The following KCNH7 variants were observed in gnomAD, a reference collection of about 807,000 sequenced individuals.
KCNH7 encodes the protein voltage-gated inwardly rectifying potassium channel KCNH7.
In KCNH7, 49 loss-of-function variants were observed where a neutral mutation model predicts 120.8. That is an observed-to-expected ratio of 0.41 (90% CI 0.32 to 0.51). The LOEUF (loss-of-function observed/expected upper bound fraction) is 0.51. Among genes scored for constraint, KCNH7 ranks in the 20% least tolerant of loss-of-function variants. The pLI is 0.38. For missense variants in KCNH7, 1,097 were observed against 1,446.6 expected (o/e 0.76, Z 3.92); for synonymous variants, 547 against 516.1 (o/e 1.06, Z -0.81).
At chr2:162,373,737 GC>G in intron 14 of KCNH7, 75 bp from the exon 15 acceptor site, 1 of 1,011,220 alleles carries the variant, frequency 9.9e-7, no homozygotes, top group Middle Eastern at 2.7e-4. Flanking sequence ...AAAAATTTCA[GC>G]ACTACCAAGA....
At chr2:162,522,038 A>ACC (rs1691548555) in intron 3 of KCNH7, among the ~76,000 whole-genome samples, 1 of 151,940 alleles carries the variant, frequency 6.6e-6, no homozygotes, top group African/African-American at 2.4e-5. Flanking sequence ...AGACAAAGAT[A>ACC]AGAGTAACCA....
chr2:162,661,411 G>A (rs1047434839), intron 2 of KCNH7, among the ~76,000 whole-genome samples: 3 of 152,112 alleles, frequency 2.0e-5, no homozygotes, highest in Non-Finnish European at 4.4e-5. Context: ...GTGGGGTATT[G>A]CATCTTTAAT....
intron 6 of KCNH7, among the ~76,000 whole-genome samples, chr2:162,464,226 G>T (rs1689239137): frequency 6.6e-6 from 1 of 151,880 alleles, no homozygotes; most frequent in Non-Finnish European, 1.5e-5. Context: ...TCCTATTTTT[G>T]TGCATCATTT....
intron 2 of KCNH7, among the ~76,000 whole-genome samples, chr2:162,633,799 T>A (rs1199523048): frequency 6.6e-6 from 1 of 152,052 alleles, no homozygotes; most frequent in Non-Finnish European, 1.5e-5. Flanking sequence ...CTTTAATACT[T>A]GATAGGGCAA....
chr2:162,690,482 C>T (rs75631346), intron 2 of KCNH7, among the ~76,000 whole-genome samples: 2,429 of 152,158 alleles, frequency 0.016, 60 homozygotes, highest in African/African-American at 0.055. Context: ...ATTGCAGATG[C>T]ACTATTTAGT....
chr2:162,376,513 C>T lies in KCNH7; in HGVS notation c.3132-2851G>A, dbSNP rs553275363. Among the ~76,000 whole-genome samples, 4 of 151,954 alleles carry T rather than the reference C, an allele frequency of 2.6e-5. No individual in the cohort carries two copies. The East Asian group carries it at 7.8e-4, about 30-fold the overall frequency. On this transcript the variant is annotated intron_variant, in intron 14 of 15. Transcript: ENST00000332142. ...CTGAGTAGCTGGCATTACAGGCGCC[C>T]GCCACCACTCCCAGCTAATTTTTGT...
rs1685168251 is a variant in KCNH7 at position 162,823,047 on chromosome 2, A to G, written c.307+13490T>C. Among the ~76,000 whole-genome samples, 3 of 152,198 alleles carry G rather than the reference A, an allele frequency of 2.0e-5. No individual in the cohort carries two copies. The South Asian group carries it at 6.2e-4, about 32-fold the overall frequency. On this transcript the variant is annotated intron_variant, in intron 2 of 15. Transcript: ENST00000332142. The stretch of plus-strand genomic sequence containing the variant: ...GTGTAGTGAGTGTGTCATTGTATCT[A>G]CGTGAACAGGAGATGGGTGAGGTGG...
chr2:162,620,487 C>T (rs990401538), intron 2 of KCNH7, among the ~76,000 whole-genome samples: 1 of 151,910 alleles, frequency 6.6e-6, no homozygotes, highest in African/African-American at 2.4e-5. Flanking sequence ...TTTTTGACCC[C>T]TGAAAGCAAT....
intron 2 of KCNH7, among the ~76,000 whole-genome samples, chr2:162,645,241 G>C (rs533567118): frequency 6.6e-6 from 1 of 151,970 alleles, no homozygotes; most frequent in Admixed American, 6.6e-5. Context: ...TCCGCCTCCC[G>C]GGTTCAAGTG....
At chr2:162,605,498 A>G (rs1395630162) in intron 2 of KCNH7, among the ~76,000 whole-genome samples, 1 of 152,138 alleles carries the variant, frequency 6.6e-6, no homozygotes, top group Non-Finnish European at 1.5e-5. Flanking sequence ...ATAATGGTCC[A>G]GTGGCCAGCA....
chr2:162,740,133 C>A (rs1688070442), intron 2 of KCNH7, among the ~76,000 whole-genome samples: 1 of 152,126 alleles, frequency 6.6e-6, no homozygotes, highest in Non-Finnish European at 1.5e-5. Flanking sequence ...GTTAAGTTAT[C>A]ATTGCTCAGG....
intron 2 of KCNH7, among the ~76,000 whole-genome samples, chr2:162,574,240 C>T (rs1252692627): frequency 6.6e-6 from 1 of 151,996 alleles, no homozygotes; most frequent in Non-Finnish European, 1.5e-5. Context: ...TAATACAATG[C>T]AAATGTGACG....
chr2:162,380,591 C>T lies in KCNH7; in HGVS notation c.2963-570G>A, dbSNP rs1686381337. 2.6e-5 allele frequency among the ~76,000 whole-genome samples: 4 copies of T among 152,090 alleles called. No homozygotes were observed. In the South Asian group the frequency reaches 8.3e-4, roughly 31 times the overall value. ...AAGAATTTTACAAGTCCCCTAGTCCCCAGCTACTGTTTCATGTTTTAATGC... is the reference window on the plus strand; with the variant it reads ...AAGAATTTTACAAGTCCCCTAGTCCTCAGCTACTGTTTCATGTTTTAATGC... On this transcript the variant is annotated intron_variant, in intron 13 of 15. Coordinates refer to ENST00000332142, the MANE Select transcript of KCNH7 (RefSeq NM_033272.4).
At chr2:162,793,292 A>G (rs1684023723) in intron 2 of KCNH7, among the ~76,000 whole-genome samples, 1 of 151,884 alleles carries the variant, frequency 6.6e-6, no homozygotes, top group Non-Finnish European at 1.5e-5. Flanking sequence ...ACTGGGACCT[A>G]TTGGAGGGTG....
rs369538683 is a variant in KCNH7 at position 162,547,746 on chromosome 2, C to A, written c.308-10666G>T. ...TAACAGAGGGAGGCCTTCATTTACA[C>A]CTATTAATAGGTGATGTCACACAAA... is the stretch of plus-strand genomic sequence containing the variant. On this transcript the variant is annotated intron_variant, in intron 2 of 15. Transcript: ENST00000332142. 8.1e-5 allele frequency among the ~76,000 whole-genome samples: 12 copies of A among 147,242 alleles called. 1 individual carries two copies. Among genetic ancestry groups the A allele is most frequent in the African/African-American group, 2.8e-4 (11 of 39,460 alleles).
chr2:162,784,128 T>G (rs1683610185), intron 2 of KCNH7, among the ~76,000 whole-genome samples: 1 of 152,282 alleles, frequency 6.6e-6, no homozygotes, highest in Middle Eastern at 3.4e-3. Flanking sequence ...AAATACAGAC[T>G]GCCTGTAGAA....
chr2:162,802,410 T>A (rs1237142189), intron 2 of KCNH7, among the ~76,000 whole-genome samples: 1 of 151,714 alleles, frequency 6.6e-6, no homozygotes, highest in Non-Finnish European at 1.5e-5. Context: ...CGACTTTTGT[T>A]AAACTTCTGC....
intron 2 of KCNH7, among the ~76,000 whole-genome samples, chr2:162,750,258 C>T (rs1688492153): frequency 6.6e-6 from 1 of 151,584 alleles, no homozygotes. Context: ...TTTGCTGTGC[C>T]CTGAAGGGAG....
At chr2:162,693,101 A>G (rs2105331342) in intron 2 of KCNH7, among the ~76,000 whole-genome samples, 1 of 152,172 alleles carries the variant, frequency 6.6e-6, no homozygotes, top group East Asian at 1.9e-4. Context: ...TGGGGAAAAA[A>G]GAAGATGTTT....
Sources: allele counts gnomAD v4.1 joint callset (sites outside exome capture counted in the v4.1 genomes callset), GRCh38; gene constraint gnomAD v4.1.1; transcripts MANE v1.5; gene names NCBI Gene and HGNC (gene_info 2026-07-23, HGNC 2026-07-21).